PIK3AP1: variants seen among roughly 807,000 people sequenced by gnomAD.
PIK3AP1 encodes the protein phosphoinositide 3-kinase adapter protein 1.
Under a neutral mutation model 88.1 loss-of-function variants are expected in PIK3AP1, and 21 were observed. That is an observed-to-expected ratio of 0.24 (90% confidence interval 0.17 to 0.34). The LOEUF is 0.34. Among genes scored for constraint, PIK3AP1 ranks in the 10% least tolerant of loss-of-function variants. The pLI, the probability that PIK3AP1 is intolerant of heterozygous loss-of-function variation, is 1.00. For missense variants in PIK3AP1, 828 were observed against 1,035.7 expected (o/e 0.80, Z 2.75); for synonymous variants, 398 against 400.0 (o/e 1.00, Z 0.06).
intron 2 of PIK3AP1, among the ~76,000 whole-genome samples, chr10:96,675,584 G>C (rs554626079): frequency 9.8e-5 from 15 of 152,302 alleles, no homozygotes; most frequent in South Asian, 4.1e-4. Flanking sequence ...ATACATGGCA[G>C]TGCTTCAAAG....
At chr10:96,633,510 T>G (rs1355836583) in intron 8 of PIK3AP1, among the ~76,000 whole-genome samples, 3 of 152,232 alleles carry the variant, frequency 2.0e-5, no homozygotes, top group Non-Finnish European at 1.5e-5. Flanking sequence ...GGTTGCCAAG[T>G]GCTTAGCACA....
intron 2 of PIK3AP1, among the ~76,000 whole-genome samples, chr10:96,672,942 A>T (rs974603468): frequency 2.0e-5 from 3 of 152,340 alleles, no homozygotes; most frequent in Admixed American, 2.0e-4. Flanking sequence ...GACAGAGATG[A>T]CTATCTCCAT....
chr10:96,634,646 G>A (rs556088396), intron 8 of PIK3AP1, among the ~76,000 whole-genome samples: 1 of 152,282 alleles, frequency 6.6e-6, no homozygotes, highest in South Asian at 2.1e-4. Flanking sequence ...CTTACAAAAT[G>A]CTTACTAACA....
chr10:96,672,519 G>A (rs1413678736), intron 2 of PIK3AP1, among the ~76,000 whole-genome samples: 1 of 152,130 alleles, frequency 6.6e-6, no homozygotes, highest in Non-Finnish European at 1.5e-5. Flanking sequence ...TTAAATAAAT[G>A]AACTATTAGC....
intron 10 of PIK3AP1, among the ~76,000 whole-genome samples, chr10:96,624,935 T>C (rs892824181): frequency 7.9e-5 from 12 of 152,190 alleles, no homozygotes; most frequent in African/African-American, 2.9e-4. Flanking sequence ...TATTTAGGAA[T>C]TACCAGCATA....
At chr10:96,685,463 T>C (rs1363965621) in intron 2 of PIK3AP1, among the ~76,000 whole-genome samples, 1 of 152,188 alleles carries the variant, frequency 6.6e-6, no homozygotes, top group East Asian at 1.9e-4. Flanking sequence ...TGGTAGCCAA[T>C]GCTGATGAAA....
rs149686810 is a variant in PIK3AP1 at position 96,677,064 on chromosome 10, C to A, written c.431-20130G>T. ...CAGGAGCACCGAGCCCATCTCTGAA[C>A]ACGGTTTGTTTTTCTCCACTGGTCC... On this transcript the variant is annotated intron_variant, in intron 2 of 16. Transcript: ENST00000339364. 2.1e-3 allele frequency among the ~76,000 whole-genome samples: 327 copies of A among 152,300 alleles called. 2 individuals are homozygous for A. Among genetic ancestry groups the A allele is most frequent in the Middle Eastern group, 6.8e-3 (2 of 294 alleles).
intron 3 of PIK3AP1, among the ~76,000 whole-genome samples, chr10:96,653,416 A>C (rs1271383295): frequency 6.9e-6 from 1 of 144,798 alleles, no homozygotes; most frequent in Non-Finnish European, 1.5e-5. Context: ...AAAAAAAAAA[A>C]AAAACACACA....
chr10:96,638,110 G>C (rs1843336736), intron 8 of PIK3AP1, among the ~76,000 whole-genome samples: 1 of 152,178 alleles, frequency 6.6e-6, no homozygotes, highest in South Asian at 2.1e-4. Context: ...AATTTTGGAG[G>C]CTAGGAGCAG....
chr10:96,598,310 G>A (rs1431321056), intron 16 of PIK3AP1, among the ~76,000 whole-genome samples: 1 of 151,946 alleles, frequency 6.6e-6, no homozygotes, highest in African/African-American at 2.4e-5. Context: ...CCCTGCCTCA[G>A]CCTCCTAAAG....
intron 2 of PIK3AP1, among the ~76,000 whole-genome samples, chr10:96,684,336 G>A (rs180910321): frequency 3.3e-5 from 5 of 152,312 alleles, no homozygotes; most frequent in Non-Finnish European, 7.4e-5. Context: ...CAAGAAAAAC[G>A]CTAGTCCAGG....
At chr10:96,637,012 T>C (rs949687135) in intron 8 of PIK3AP1, among the ~76,000 whole-genome samples, 2 of 152,198 alleles carry the variant, frequency 1.3e-5, no homozygotes, top group African/African-American at 4.8e-5. Flanking sequence ...CAAGTGAGTA[T>C]ATAACACAGT....
At chr10:96,643,030 G>A (rs1843412071) in intron 8 of PIK3AP1, among the ~76,000 whole-genome samples, 1 of 152,156 alleles carries the variant, frequency 6.6e-6, no homozygotes, top group Non-Finnish European at 1.5e-5. Context: ...TTCCACAATG[G>A]AAAGGACTGG....
intron 16 of PIK3AP1, among the ~76,000 whole-genome samples, chr10:96,601,174 T>C (rs576278693): frequency 6.6e-6 from 1 of 152,248 alleles, no homozygotes; most frequent in Admixed American, 6.5e-5. Flanking sequence ...ATCCTCATTT[T>C]ATAGACAAGG....
intron 1 of PIK3AP1, among the ~76,000 whole-genome samples, chr10:96,717,494 C>G (rs1207178947): frequency 6.6e-6 from 1 of 152,064 alleles, no homozygotes; most frequent in Non-Finnish European, 1.5e-5. Context: ...CTTCCCACCC[C>G]AGAAGTTGTT....
Position 96,651,520 on chromosome 10 carries a change from A to G in PIK3AP1, c.844T>C (p.Phe282Leu), listed in dbSNP as rs1843536954. 7 of 1,614,206 alleles carry G rather than the reference A, an allele frequency of 4.3e-6. No individual in the cohort carries two copies. The East Asian group carries it at 1.6e-4, about 36-fold the overall frequency. ...TGTAATATCCTTACCTGACACATGA[A>G]TTCCACAGGATTCGCGGCATTGGAC... ...LLSNAANPVE[F>L]MCQAFKIVPY... is the part of the protein sequence containing the mutation. The change falls in exon 5 of 17, where the codon TTC (phenylalanine) becomes CTC (leucine). Residue 282 changes from phenylalanine (F) to leucine (L), a missense_variant. Coordinates refer to ENST00000339364, the MANE Select transcript of PIK3AP1 (RefSeq NM_152309.3).
At chr10:96,633,586 A>G (rs1843275279) in intron 8 of PIK3AP1, among the ~76,000 whole-genome samples, 1 of 152,218 alleles carries the variant, frequency 6.6e-6, no homozygotes, top group African/African-American at 2.4e-5. Flanking sequence ...TATTATTTTT[A>G]TTGTTAAATT....
At chr10:96,649,527 T>C (rs1843508637) in intron 6 of PIK3AP1, among the ~76,000 whole-genome samples, 4 of 152,230 alleles carry the variant, frequency 2.6e-5, no homozygotes, top group African/African-American at 9.6e-5. Flanking sequence ...TCAGAGCATG[T>C]ATTTCTTAAA....
In PIK3AP1 at chr10:96,623,477, C is replaced by G. The variant is rs199933936; in HGVS notation, c.1730G>C (p.Arg577Thr). The G allele has an allele frequency of 4.8e-5, 77 of 1,610,806 alleles. 1 individual carries two copies. The East Asian group carries it at 1.3e-3, about 28-fold the overall frequency. The change falls in exon 11 of 17, where the codon AGG becomes ACG. Residue 577 changes from arginine to threonine, a missense_variant. By Grantham distance (71) the Arg-to-Thr change is moderately conservative. Transcript: ENST00000339364. ...TCATATAACACATGGCTTACCTTTC[C>G]TGATGCTCTCTGAGGAAACGTAGAA... ...GNFYVSSESI[R>T]KGPPVRPWRD...
Sources: gnomAD v4.1 joint callset for allele counts (sites outside exome capture counted in the v4.1 genomes callset) on GRCh38, gnomAD v4.1.1 for gene constraint, MANE v1.5 for transcripts, NCBI Gene and HGNC (gene_info 2026-07-23, HGNC 2026-07-21) for gene names.